Variants in PNLIP observed in about 807,000 individuals in gnomAD.
PNLIP encodes pancreatic triacylglycerol lipase.
In PNLIP, 49 loss-of-function variants were observed where a neutral mutation model predicts 57.1. That is an observed-to-expected ratio of 0.86 (90% CI 0.68 to 1.09). The LOEUF (loss-of-function observed/expected upper bound fraction) is 1.09. Ranked by LOEUF, PNLIP falls within the 50% of genes least tolerant of loss-of-function variation. The probability of loss-of-function intolerance (pLI) is 0.00; values close to 1 mark genes in which losing one functional copy is unlikely to be tolerated. For synonymous variants in PNLIP, 209 were observed against 200.4 expected (o/e 1.04, Z -0.36); for missense variants, 503 against 570.2 (o/e 0.88, Z 1.20).
rs763271131 is a variant in PNLIP at position 116,567,703 on chromosome 10, G to A, written c.1335-32G>A. On this transcript the variant is annotated intron_variant, in intron 12 of 12. Coordinates refer to ENST00000369221, the MANE Select transcript of PNLIP (RefSeq NM_000936.4). ...ACACTCCAGATATGTGCCAGGAAGA[G>A]GAGGTGACTTTGTGTTGTTTTTTCT... The A allele has an allele frequency of 5.7e-6, 9 of 1,579,712 alleles. No homozygotes were observed. In the Admixed American group the frequency reaches 8.3e-5, roughly 15 times the overall value.
intron 10 of PNLIP, among the ~76,000 whole-genome samples, chr10:116,560,119 G>C (rs192806834): frequency 1.1e-4 from 16 of 151,780 alleles, no homozygotes; most frequent in Non-Finnish European, 2.2e-4. Context: ...AGGATAAATT[G>C]TCAGGTTGGA....
In PNLIP at chr10:116,559,283, C is replaced by G; in HGVS notation, c.1060C>G (p.Arg354Gly). The change falls in exon 10 of 13, where the codon CGT (arginine) becomes GGT (glycine). Residue 354 changes from arginine to glycine, a missense_variant and splice_region_variant. Coordinates refer to ENST00000369221, the MANE Select transcript of PNLIP (RefSeq NM_000936.4). Reference sequence around the variant, plus strand: ...CACTGGTGATGCCAGTAATTTTGCACGTAAGTTTCTGTTTTCTGTATCTTA... The same window carrying G: ...CACTGGTGATGCCAGTAATTTTGCAGGTAAGTTTCTGTTTTCTGTATCTTA... ...LDTGDASNFA[R>G]WRYKVSVTLS... 6.2e-7 allele frequency: 1 copy of G among 1,607,978 alleles called. No individual in the cohort carries two copies. The highest frequency in any genetic ancestry group is 8.5e-7 in the Non-Finnish European group (1 of 1,175,906).
rs1021950726 is a variant in PNLIP at position 116,548,500 on chromosome 10, C to A, written c.324+18C>A. 1 of 1,610,182 alleles carries A rather than the reference C, an allele frequency of 6.2e-7. No homozygotes were observed. On this transcript the variant is annotated intron_variant, in intron 4 of 12. Coordinates refer to ENST00000369221, the MANE Select transcript of PNLIP (RefSeq NM_000936.4). ...TGTGCAAGGTGAGATGTGGTCATCTCTCAAGGAAAGATCGTTTCCAAAGTG... is the reference window on the plus strand; with the variant it reads ...TGTGCAAGGTGAGATGTGGTCATCTATCAAGGAAAGATCGTTTCCAAAGTG...
At chr10:116,547,253 G>T (rs754375209) in intron 2 of PNLIP, 41 bp from the exon 3 acceptor site, 7 of 1,597,634 alleles carry the variant, frequency 4.4e-6, no homozygotes, top group Non-Finnish European at 6.0e-6. Flanking sequence ...TCATTAAAAA[G>T]AGCATGTTTG....
chr10:116,558,788 C>G (rs1847283505), intron 9 of PNLIP, among the ~76,000 whole-genome samples: 1 of 151,738 alleles, frequency 6.6e-6, no homozygotes, highest in South Asian at 2.1e-4. Context: ...CCATGCTCAA[C>G]TAATTTTTGC....
chr10:116,557,344 T>C (rs1170689628), intron 9 of PNLIP, among the ~76,000 whole-genome samples: 1 of 152,166 alleles, frequency 6.6e-6, no homozygotes, highest in East Asian at 1.9e-4. Flanking sequence ...TCTTGCAGAT[T>C]TCTTCACCTT....
At chr10:116,554,791 G>A (rs532894240) in intron 6 of PNLIP, among the ~76,000 whole-genome samples, 6 of 152,124 alleles carry the variant, frequency 3.9e-5, no homozygotes, top group African/African-American at 1.2e-4. Flanking sequence ...CAGCCTGCTC[G>A]GCCAGGTGCT....
intron 6 of PNLIP, 75 bp downstream of exon 6, chr10:116,553,913 T>C (rs747653217): frequency 1.9e-4 from 145 of 781,590 alleles, no homozygotes; most frequent in Non-Finnish European, 1.8e-4. Context: ...TTGAGGCCAA[T>C]CTGGGCAACA....
intron 10 of PNLIP, 138 bp from the exon 11 acceptor site, chr10:116,560,278 C>CAG (rs1433703681): frequency 3.7e-4 from 33 of 88,174 alleles, no homozygotes; most frequent in African/African-American, 1.5e-3. Flanking sequence ...TAGAAAATTA[C>CAG]ACACACACAC....
chr10:116,556,796 A>G (rs780024962), intron 9 of PNLIP, among the ~76,000 whole-genome samples: 1 of 152,024 alleles, frequency 6.6e-6, no homozygotes, highest in Non-Finnish European at 1.5e-5. Context: ...TTTAAAACCT[A>G]TGGATTTAAT....
chr10:116,555,067 G>C (rs558462806), intron 6 of PNLIP, 111 bp from the exon 7 acceptor site: 103 of 1,193,170 alleles, frequency 8.6e-5, no homozygotes, highest in Non-Finnish European at 1.2e-4. Flanking sequence ...TTCAGCAAAT[G>C]GTCAGGTAAG....
chr10:116,567,759 C>T lies in PNLIP; in HGVS notation c.1359C>T (p.Thr453=), dbSNP rs74568396. ...GGTTCAACTTCTGTAGTCCAGAAACCGTCAGGGAGGAAGTTCTGCTCACCC... is the reference window on the plus strand; with the variant it reads ...GGTTCAACTTCTGTAGTCCAGAAACTGTCAGGGAGGAAGTTCTGCTCACCC... ...GKQFNFCSPE[T]VREEVLLTLT... The change falls in exon 13 of 13, where the codon ACC becomes ACT. Residue 453 remains threonine (T), a synonymous_variant. Transcript: ENST00000369221. 3.5e-3 allele frequency: 5,639 copies of T among 1,613,872 alleles called. 161 individuals are homozygous for T. The African/African-American group carries it at 0.066, about 19-fold the overall frequency.
chr10:116,550,473 G>T (rs1362476362), intron 4 of PNLIP, among the ~76,000 whole-genome samples: 2 of 151,936 alleles, frequency 1.3e-5, no homozygotes, highest in African/African-American at 4.8e-5. Flanking sequence ...ATCAAACAAG[G>T]CTTTCCATAG....
At chr10:116,556,888 C>G (rs1445679342) in intron 9 of PNLIP, among the ~76,000 whole-genome samples, 1 of 152,152 alleles carries the variant, frequency 6.6e-6, no homozygotes, top group Non-Finnish European at 1.5e-5. Flanking sequence ...AGAGAGGATG[C>G]AAATCTTGGT....
rs1395882520 is a variant in PNLIP at position 116,550,567 on chromosome 10, A to G, written c.325-531A>G. ...AAAACACGTTCATCCAAAAAATTTG[A>G]TTAGTCTTTCTATTGTGGAAAAACT... On this transcript the variant is annotated intron_variant, in intron 4 of 12. Transcript: ENST00000369221. 2.0e-5 allele frequency among the ~76,000 whole-genome samples: 3 copies of G among 152,178 alleles called. No homozygotes were observed. In the East Asian group the frequency reaches 5.8e-4, roughly 29 times the overall value.
chr10:116,547,726 A>C (rs1355809655), intron 3 of PNLIP, among the ~76,000 whole-genome samples: 6 of 118,742 alleles, frequency 5.1e-5, no homozygotes, highest in African/African-American at 2.0e-4. Context: ...ACTCCATCTC[A>C]AAAAAAAAAA....
At position 116,555,454 on chromosome 10, in the gene PNLIP, G is replaced by C; in HGVS notation, c.758G>C (p.Gly253Ala). Residue 253 changes from glycine (G) to alanine (A), a missense_variant, in exon 8 of 13, where the codon GGA (glycine) becomes GCA (alanine). Gly to Ala is a moderately conservative substitution (Grantham distance 60, BLOSUM62 0). Coordinates refer to ENST00000369221, the MANE Select transcript of PNLIP (RefSeq NM_000936.4). ...CCAAATGGAGGAGTGGAAATGCCTGGATGTAAAAAGAACATTCTCTCTCAG... is the reference window on the plus strand; with the variant it reads ...CCAAATGGAGGAGTGGAAATGCCTGCATGTAAAAAGAACATTCTCTCTCAG... ...FFPNGGVEMP[G>A]CKKNILSQIV... 6.2e-7 allele frequency: 1 copy of C among 1,614,146 alleles called. No homozygotes were observed. The highest frequency in any genetic ancestry group is 2.2e-5 in the East Asian group (1 of 44,882).
At chr10:116,548,280 C>T in intron 3 of PNLIP, 80 bp from the exon 4 acceptor site, 1 of 1,386,590 alleles carries the variant, frequency 7.2e-7, no homozygotes, top group Non-Finnish European at 1.0e-6. Flanking sequence ...CAGTCTTCTA[C>T]TTACTGCCCC....
chr10:116,567,689 A>G (rs770717740), intron 12 of PNLIP, 46 bp from the exon 13 acceptor site: 34 of 1,492,252 alleles, frequency 2.3e-5, no homozygotes, highest in Non-Finnish European at 3.2e-5. Flanking sequence ...CACTCCAGAT[A>G]TGTGCCAGGA....
Sources: allele counts gnomAD v4.1 joint callset (sites outside exome capture counted in the v4.1 genomes callset), GRCh38; gene constraint gnomAD v4.1.1; transcripts MANE v1.5; gene names NCBI Gene and HGNC (gene_info 2026-07-23, HGNC 2026-07-21).